Variants in BANK1 observed in about 807,000 individuals in gnomAD.
The protein encoded by BANK1 is B cell scaffold protein with ankyrin repeats 1, also known as B-cell scaffold protein with ankyrin repeats.
A neutral mutation model predicts 94.5 loss-of-function variants in BANK1; 95 were observed. That is an observed-to-expected ratio of 1.00 (90% CI 0.85 to 1.19). The LOEUF is 1.19. Ranked by LOEUF, BANK1 falls within the 50% of genes most tolerant of loss-of-function variation. BANK1 has a pLI of 0.00. For missense variants in BANK1, 987 were observed against 932.2 expected, an observed-to-expected ratio of 1.06 and a Z score of -0.77; for synonymous variants, 334 against 308.4, an observed-to-expected ratio of 1.08 and a Z score of -0.87.
chr4:101,852,593 A>G (rs1463659912), intron 2 of BANK1, among the ~76,000 whole-genome samples: 2 of 148,604 alleles, frequency 1.3e-5, no homozygotes, highest in African/African-American at 4.9e-5. Flanking sequence ...TTTTTATTTT[A>G]CTAGAATAGG....
intron 5 of BANK1, among the ~76,000 whole-genome samples, chr4:101,882,527 C>G (rs1399439976): frequency 6.6e-6 from 1 of 152,196 alleles, no homozygotes; most frequent in Non-Finnish European, 1.5e-5. Flanking sequence ...TAGTACCACT[C>G]TTTCAAAAGA....
intron 9 of BANK1, among the ~76,000 whole-genome samples, chr4:102,028,017 C>T (rs1366848489): frequency 6.6e-6 from 1 of 152,066 alleles, no homozygotes; most frequent in African/African-American, 2.4e-5. Flanking sequence ...TATTGATATA[C>T]CACCTGAATT....
chr4:101,874,840 G>A (rs1728428820), intron 5 of BANK1, among the ~76,000 whole-genome samples: 1 of 152,152 alleles, frequency 6.6e-6, no homozygotes, highest in South Asian at 2.1e-4. Flanking sequence ...CACACAACTA[G>A]TTCCTGATAC....
At chr4:102,041,189 A>C (rs1360545938) in intron 10 of BANK1, among the ~76,000 whole-genome samples, 3 of 152,078 alleles carry the variant, frequency 2.0e-5, no homozygotes, top group African/African-American at 7.2e-5. Flanking sequence ...TGAACATAGT[A>C]AATATAAAGT....
At position 101,861,403 on chromosome 4, in the gene BANK1, TATAAATGGG is replaced by T. The variant is rs1727870719; in HGVS notation, c.625-1120_625-1112del. ...TGAGAAACATGATTTTATAAGAGCATATAAATGGGATCCCTGTTTTTTTTAAGTATGGAA... is the reference window on the plus strand; with the variant it reads ...TGAGAAACATGATTTTATAAGAGCATATCCCTGTTTTTTTTAAGTATGGAA... On this transcript the variant is annotated intron_variant, in intron 3 of 16. Coordinates refer to ENST00000322953, the MANE Select transcript of BANK1 (RefSeq NM_017935.5). 2.6e-5 allele frequency among the ~76,000 whole-genome samples: 4 copies of T among 152,172 alleles called. No homozygotes were observed. The South Asian group carries it at 8.3e-4, about 32-fold the overall frequency.
intron 11 of BANK1, 90 bp downstream of exon 11, chr4:102,043,997 A>G (rs1020813198): frequency 1.5e-6 from 1 of 684,344 alleles, no homozygotes; most frequent in Non-Finnish European, 2.5e-6. Flanking sequence ...CTAGGACAGA[A>G]GTATGTAATT....
chr4:101,799,530 T>A (rs1321184890), intron 1 of BANK1, among the ~76,000 whole-genome samples: 1 of 152,302 alleles, frequency 6.6e-6, no homozygotes, highest in South Asian at 2.1e-4. Context: ...CTATTCACAA[T>A]AGCAAAGACT....
At chr4:101,861,671 ATGTG>A (rs144912145) in intron 3 of BANK1, among the ~76,000 whole-genome samples, 2 of 150,494 alleles carry the variant, frequency 1.3e-5, no homozygotes, top group South Asian at 4.2e-4. Context: ...TGGTATGTGT[ATGTG>A]TGTGTGTGTG....
Position 102,060,349 on chromosome 4 carries a change from A to G in BANK1, c.2108A>G (p.His703Arg). The G allele has an allele frequency of 6.2e-7, 1 of 1,610,386 alleles. No homozygotes were observed. The highest frequency in any genetic ancestry group is 8.5e-7 in the Non-Finnish European group (1 of 1,178,702). ...GATGAAGCTCTGGAGAAATTTAAAC[A>G]CTGGCAGATGGGAAAAAGTGGCCTG... Reference protein sequence around the residue: ...SMDEALEKFKHWQMGKSGLEM... With the variant: ...SMDEALEKFKRWQMGKSGLEM... The change falls in exon 12 of 17, where the codon CAC becomes CGC. Residue 703 changes from histidine to arginine, a missense_variant. By Grantham distance (29) the His-to-Arg change is conservative (BLOSUM62 0). Coordinates refer to ENST00000322953, the MANE Select transcript of BANK1 (RefSeq NM_017935.5).
At chr4:102,039,407 C>T (rs746578170) in intron 10 of BANK1, among the ~76,000 whole-genome samples, 17 of 152,062 alleles carry the variant, frequency 1.1e-4, no homozygotes, top group Admixed American at 3.3e-4. Flanking sequence ...ACTGCTTATA[C>T]GGTTAAAACA....
At position 101,980,436 on chromosome 4, in the gene BANK1, A is replaced by AT. The variant is rs201317169; in HGVS notation, c.1207-41068dup. Among the ~76,000 whole-genome samples the AT allele has an allele frequency of 1.6e-3, 233 of 147,594 alleles. 1 individual carries two copies. Among genetic ancestry groups the AT allele is most frequent in the African/African-American group, 4.4e-3 (177 of 40,360 alleles). On this transcript the variant is annotated intron_variant, in intron 7 of 16. Coordinates refer to ENST00000322953, the MANE Select transcript of BANK1 (RefSeq NM_017935.5). ...ATAAAATGCCATATATATTTGAGTTATTTTTTTTTTACTTTCTCTTGTTCT... is the reference window on the plus strand; with the variant it reads ...ATAAAATGCCATATATATTTGAGTTATTTTTTTTTTTACTTTCTCTTGTTCT...
At chr4:101,982,250 A>C (rs1274493610) in intron 7 of BANK1, among the ~76,000 whole-genome samples, 1 of 151,452 alleles carries the variant, frequency 6.6e-6, no homozygotes, top group Admixed American at 6.6e-5. Context: ...TTTTAAAGAT[A>C]TTTTAATCTA....
At chr4:101,846,543 G>C (rs1204804144) in intron 2 of BANK1, among the ~76,000 whole-genome samples, 1 of 152,124 alleles carries the variant, frequency 6.6e-6, no homozygotes, top group Non-Finnish European at 1.5e-5. Flanking sequence ...TTTTAAGACT[G>C]GGTAATTTAA....
chr4:101,968,952 A>C (rs1724855949), intron 7 of BANK1, among the ~76,000 whole-genome samples: 1 of 152,074 alleles, frequency 6.6e-6, no homozygotes, highest in Non-Finnish European at 1.5e-5. Context: ...TAGATGAGAA[A>C]CCATGTCCCT....
chr4:101,879,829 A>G (rs999420968), intron 5 of BANK1, among the ~76,000 whole-genome samples: 4 of 152,128 alleles, frequency 2.6e-5, no homozygotes, highest in Non-Finnish European at 5.9e-5. Context: ...AACAGAATGA[A>G]GGACAAAAAC....
intron 2 of BANK1, among the ~76,000 whole-genome samples, chr4:101,839,937 A>ATTTATTTATTTATT (rs1726969190): frequency 1.9e-5 from 1 of 53,036 alleles, no homozygotes; most frequent in African/African-American, 7.5e-5. Flanking sequence ...CAAATATTTA[A>ATTTATTTATTTATT]TTTTTTTTTT....
intron 6 of BANK1, among the ~76,000 whole-genome samples, chr4:101,904,239 G>A (rs1311150222): frequency 6.6e-6 from 1 of 152,180 alleles, no homozygotes; most frequent in Non-Finnish European, 1.5e-5. Flanking sequence ...GCAGGAGAAG[G>A]CAATCTTGGC....
intron 10 of BANK1, among the ~76,000 whole-genome samples, chr4:102,039,095 C>G (rs1727618753): frequency 6.6e-6 from 1 of 152,052 alleles, no homozygotes; most frequent in Non-Finnish European, 1.5e-5. Context: ...TTTACAGATT[C>G]TTCTTAAAAA....
At chr4:101,937,586 A>G (rs1205474070) in intron 7 of BANK1, among the ~76,000 whole-genome samples, 1 of 151,918 alleles carries the variant, frequency 6.6e-6, no homozygotes, top group African/African-American at 2.4e-5. Flanking sequence ...AAAGTCAGGA[A>G]ACAACAGATG....
Sources: gnomAD v4.1 joint callset for allele counts (sites outside exome capture counted in the v4.1 genomes callset) on GRCh38, gnomAD v4.1.1 for gene constraint, MANE v1.5 for transcripts, NCBI Gene and HGNC (gene_info 2026-07-23, HGNC 2026-07-21) for gene names.